The following CAMK2D variants were observed in gnomAD, a reference collection of about 807,000 sequenced individuals.
CAMK2D encodes calcium/calmodulin-dependent protein kinase type II subunit delta.
In CAMK2D, 37 loss-of-function variants were observed where a neutral mutation model predicts 84.0. The ratio of observed to expected loss-of-function variants is 0.44; its 90% CI spans 0.34 to 0.58. The LOEUF (loss-of-function observed/expected upper bound fraction) is 0.58. Ranked by LOEUF, CAMK2D falls within the 20% of genes least tolerant of loss-of-function variation. The pLI, the probability that CAMK2D is intolerant of heterozygous loss-of-function variation, is 0.02. For synonymous variants in CAMK2D, 202 were observed against 212.5 expected (o/e 0.95, Z 0.43); for missense variants, 448 against 652.5 (o/e 0.69, Z 3.41).
chr4:113,740,082 G>C (rs1430932099), intron 2 of CAMK2D, among the ~76,000 whole-genome samples: 4 of 152,098 alleles, frequency 2.6e-5, no homozygotes, highest in African/African-American at 9.7e-5. Flanking sequence ...ATACTATAGA[G>C]TACTATCTCA....
chr4:113,454,969 G>C (rs1041488148), intron 20 of CAMK2D, among the ~76,000 whole-genome samples: 1 of 152,132 alleles, frequency 6.6e-6, no homozygotes, highest in Non-Finnish European at 1.5e-5. Context: ...ATATAGTCTC[G>C]AAAGTAGAGA....
rs1350834229 is a variant in CAMK2D, at chr4:113,761,164, C to T, written c.-96G>A. On this transcript the variant is annotated 5_prime_UTR_variant, in exon 1 of 21. Coordinates refer to ENST00000511664, the MANE Select transcript of CAMK2D (RefSeq NM_001321571.2). ...GGACTGGCCCCGCGGCGCTGTCACC[C>T]AGGGCCGCTCTTACTTTCCTGGTCC... 4 of 1,599,726 alleles carry T rather than the reference C, an allele frequency of 2.5e-6. No homozygotes were observed. The highest frequency in any genetic ancestry group is 8.5e-7 in the Non-Finnish European group (1 of 1,177,104).
At chr4:113,623,738 C>CTGTGTGTGTGTGTG (rs3064581) in intron 3 of CAMK2D, among the ~76,000 whole-genome samples, 1 of 148,956 alleles carries the variant, frequency 6.7e-6, no homozygotes, top group African/African-American at 2.5e-5. Context: ...TATGCAGTGA[C>CTGTGTGTGTGTGTG]TGTGTGTGTG....
chr4:113,530,994 G>A (rs1299958051), intron 8 of CAMK2D, among the ~76,000 whole-genome samples: 1 of 152,220 alleles, frequency 6.6e-6, no homozygotes, highest in African/African-American at 2.4e-5. Flanking sequence ...TGAGGCAGGA[G>A]AATTGCTTAA....
At chr4:113,549,838 T>A (rs2098610646) in intron 5 of CAMK2D, among the ~76,000 whole-genome samples, 1 of 152,212 alleles carries the variant, frequency 6.6e-6, no homozygotes, top group Admixed American at 6.5e-5. Context: ...TAAAAATTGA[T>A]CATGACTATG....
At chr4:113,628,412 A>G (rs933275824) in intron 3 of CAMK2D, among the ~76,000 whole-genome samples, 1 of 152,186 alleles carries the variant, frequency 6.6e-6, no homozygotes, top group African/African-American at 2.4e-5. Context: ...TATAAGCTAT[A>G]ATTAACATTA....
At chr4:113,600,676 C>G (rs2098948024) in intron 4 of CAMK2D, among the ~76,000 whole-genome samples, 1 of 152,086 alleles carries the variant, frequency 6.6e-6, no homozygotes, top group Non-Finnish European at 1.5e-5. Context: ...CTCGCTCTGT[C>G]AACTAGGAAG....
At chr4:113,511,297 G>GTGAT (rs1197099888) in intron 12 of CAMK2D, among the ~76,000 whole-genome samples, 1 of 152,110 alleles carries the variant, frequency 6.6e-6, no homozygotes, top group Non-Finnish European at 1.5e-5. Flanking sequence ...TGATTTTGAA[G>GTGAT]TGATGGATTA....
At chr4:113,723,160 AAGATT>A (rs2099536002) in intron 2 of CAMK2D, among the ~76,000 whole-genome samples, 2 of 152,110 alleles carry the variant, frequency 1.3e-5, no homozygotes, top group South Asian at 4.1e-4. Flanking sequence ...ATTAATCATT[AAGATT>A]ACAGTGTCTA....
At chr4:113,752,595 C>T (rs1432955020) in intron 2 of CAMK2D, among the ~76,000 whole-genome samples, 3 of 152,030 alleles carry the variant, frequency 2.0e-5, no homozygotes, top group African/African-American at 4.8e-5. Context: ...CTCTGGGCTT[C>T]GGTTAAGGGC....
chr4:113,635,789 T>C (rs993452477), intron 3 of CAMK2D, among the ~76,000 whole-genome samples: 1 of 152,212 alleles, frequency 6.6e-6, no homozygotes, highest in Non-Finnish European at 1.5e-5. Context: ...GGTATATTGA[T>C]AAAATTTGTA....
intron 2 of CAMK2D, chr4:113,755,193 C>T: frequency 7.7e-6 from 2 of 260,030 alleles, no homozygotes; most frequent in Non-Finnish European, 1.2e-5. Flanking sequence ...CACACACACA[C>T]ACACACACAC....
intron 8 of CAMK2D, among the ~76,000 whole-genome samples, chr4:113,525,157 T>C (rs1245176821): frequency 6.6e-6 from 1 of 152,122 alleles, no homozygotes; most frequent in Non-Finnish European, 1.5e-5. Context: ...ACATATTCCA[T>C]AAAATTCCCA....
At chr4:113,503,684 T>C (rs1283321568) in intron 14 of CAMK2D, among the ~76,000 whole-genome samples, 2 of 152,260 alleles carry the variant, frequency 1.3e-5, no homozygotes, top group African/African-American at 4.8e-5. Context: ...TTCTACTTTA[T>C]GGACTATATA....
intron 2 of CAMK2D, among the ~76,000 whole-genome samples, chr4:113,706,604 A>C (rs2099457347): frequency 6.6e-6 from 1 of 152,202 alleles, no homozygotes; most frequent in African/African-American, 2.4e-5. Context: ...TTTTAGAGTG[A>C]GTTTTAAAGG....
intron 4 of CAMK2D, among the ~76,000 whole-genome samples, chr4:113,574,828 C>T (rs908571654): frequency 6.6e-6 from 1 of 152,198 alleles, no homozygotes; most frequent in Non-Finnish European, 1.5e-5. Flanking sequence ...TTCCAAATGG[C>T]TAGAGAACAC....
At chr4:113,651,949 G>A (rs1041799640) in intron 3 of CAMK2D, among the ~76,000 whole-genome samples, 7 of 151,966 alleles carry the variant, frequency 4.6e-5, no homozygotes, top group African/African-American at 9.7e-5. Context: ...GAATAATAAT[G>A]TCATGCTAAT....
intron 2 of CAMK2D, among the ~76,000 whole-genome samples, chr4:113,667,288 T>A (rs568469775): frequency 6.6e-6 from 1 of 152,200 alleles, no homozygotes; most frequent in Non-Finnish European, 1.5e-5. Flanking sequence ...CTTAAATAAA[T>A]GTTTGTTGAC....
At chr4:113,507,945 T>G (rs2098152924) in intron 13 of CAMK2D, among the ~76,000 whole-genome samples, 1 of 152,222 alleles carries the variant, frequency 6.6e-6, no homozygotes, top group Non-Finnish European at 1.5e-5. Context: ...TTGTTTTTAC[T>G]GATCACTATA....
Sources: gnomAD v4.1 joint callset for allele counts (sites outside exome capture counted in the v4.1 genomes callset) on GRCh38, gnomAD v4.1.1 for gene constraint, MANE v1.5 for transcripts, NCBI Gene and HGNC (gene_info 2026-07-23, HGNC 2026-07-21) for gene names.